TEX11: variants seen among roughly 807,000 people sequenced by gnomAD.
TEX11 encodes testis expressed 11.
Under a neutral mutation model 84.4 loss-of-function variants are expected in TEX11, and 7 were observed. The observed-to-expected ratio is 0.08, with a 90% CI of 0.05 to 0.16. The LOEUF is 0.16. Ranked by LOEUF, TEX11 falls within the 10% of genes least tolerant of loss-of-function variation. TEX11 has a pLI of 1.00. For synonymous variants in TEX11, 264 were observed against 222.8 expected, an observed-to-expected ratio of 1.18 and a Z score of -1.64; for missense variants, 551 against 660.5, an observed-to-expected ratio of 0.83 and a Z score of 1.82.
At chrX:70,897,765 A>G (rs1027536643) in intron 2 of TEX11, among the ~76,000 whole-genome samples, 1 of 111,512 alleles carries the variant, frequency 9.0e-6, no homozygotes, top group African/African-American at 3.3e-5. Flanking sequence ...TTATTCAATC[A>G]TTCAATAAAA....
intron 19 of TEX11, among the ~76,000 whole-genome samples, 184 bp downstream of exon 19, chrX:70,624,655 T>G (rs1019689581): frequency 8.9e-6 from 1 of 111,829 alleles, no homozygotes; most frequent in African/African-American, 3.2e-5. Flanking sequence ...GTTTCTTATT[T>G]CTCACTGTGG....
intron 17 of TEX11, among the ~76,000 whole-genome samples, chrX:70,648,914 G>A (rs1271457021): frequency 1.8e-5 from 2 of 109,050 alleles, no homozygotes; most frequent in Non-Finnish European, 3.8e-5. Context: ...TCCCCTTCCT[G>A]TGTCCATGTG....
chrX:70,818,514 C>T (rs1377313243), intron 8 of TEX11, among the ~76,000 whole-genome samples: 1 of 110,699 alleles, frequency 9.0e-6, no homozygotes, highest in Non-Finnish European at 1.9e-5. Context: ...ATTCCAGAAG[C>T]CTTCCACTGA....
At chrX:70,842,803 T>C (rs2091454691) in intron 7 of TEX11, among the ~76,000 whole-genome samples, 1 of 111,694 alleles carries the variant, frequency 9.0e-6, no homozygotes, top group East Asian at 2.8e-4. Flanking sequence ...ACAAAATCAA[T>C]GTACAAAAAT....
chrX:70,641,709 T>C (rs1177242098), intron 17 of TEX11, among the ~76,000 whole-genome samples: 2 of 110,456 alleles, frequency 1.8e-5, no homozygotes, highest in Non-Finnish European at 3.8e-5. Context: ...AAAGATGTTC[T>C]TTGAAACCAA....
chrX:70,892,856 G>C (rs2091746041), intron 2 of TEX11, among the ~76,000 whole-genome samples: 1 of 109,924 alleles, frequency 9.1e-6, no homozygotes, highest in Admixed American at 9.8e-5. Flanking sequence ...GGGATGGAGG[G>C]TTATTTACCA....
Position 70,578,417 on chromosome X carries a change from A to AT in TEX11, c.2140+13333dup, listed in dbSNP as rs1372557511. ...GAGAATTTGTCTTTTTTGTTGTTCTATTTGTTCATTTTGAACTTAAATTAA... is the reference window on the plus strand; with the variant it reads ...GAGAATTTGTCTTTTTTGTTGTTCTATTTTGTTCATTTTGAACTTAAATTAA... On this transcript the variant is annotated intron_variant, in intron 25 of 29. Coordinates refer to ENST00000374333, the MANE Select transcript of TEX11 (RefSeq NM_031276.3). Among the ~76,000 whole-genome samples the AT allele has an allele frequency of 4.5e-5, 5 of 111,833 alleles. No individual in the cohort carries two copies. The Admixed American group carries it at 4.8e-4, about 11-fold the overall frequency.
chrX:70,519,444 A>G, the TEX11 span, among the ~76,000 whole-genome samples: 3 of 111,673 alleles, frequency 2.7e-5, no homozygotes, highest in Non-Finnish European at 5.6e-5. Flanking sequence ...ATTGGCCCCC[A>G]CTCTCTTCTG....
chrX:70,778,454 A>G (rs2091015190), intron 9 of TEX11, among the ~76,000 whole-genome samples: 1 of 110,911 alleles, frequency 9.0e-6, no homozygotes, highest in African/African-American at 3.3e-5. Flanking sequence ...AAACAAACAA[A>G]CAACAACAAC....
the TEX11 span, among the ~76,000 whole-genome samples, chrX:70,519,799 A>G: frequency 9.0e-6 from 1 of 111,588 alleles, no homozygotes; most frequent in East Asian, 2.8e-4. Flanking sequence ...TATTTCTTGG[A>G]GGATTTGTCT....
At chrX:70,881,713 A>G (rs772048831) in intron 2 of TEX11, among the ~76,000 whole-genome samples, 39 of 111,385 alleles carry the variant, frequency 3.5e-4, no homozygotes, top group Non-Finnish European at 6.6e-4. Context: ...AAATATATAC[A>G]CCTACTATGT....
At chrX:70,748,133 C>CCAG (rs2090781713) in intron 9 of TEX11, among the ~76,000 whole-genome samples, 1 of 109,826 alleles carries the variant, frequency 9.1e-6, no homozygotes, top group Admixed American at 9.8e-5. Context: ...AATGGGAGTA[C>CCAG]CAGAAGAAAA....
At chrX:70,744,257 T>A (rs961438394) in intron 9 of TEX11, 38 bp from the exon 10 acceptor site, 42 of 564,790 alleles carry the variant, frequency 7.4e-5, no homozygotes, top group Admixed American at 1.9e-4. Context: ...TATATATATA[T>A]AAACATATAT....
At chrX:70,541,839 C>A (rs1399728632) in intron 28 of TEX11, among the ~76,000 whole-genome samples, 1 of 112,064 alleles carries the variant, frequency 8.9e-6, no homozygotes. Flanking sequence ...ACAATTATTT[C>A]AAAATAAAAT....
chrX:70,893,123 T>C (rs1382006588), intron 2 of TEX11, among the ~76,000 whole-genome samples: 1 of 111,134 alleles, frequency 9.0e-6, no homozygotes, highest in Non-Finnish European at 1.9e-5. Context: ...CACCCCACTG[T>C]CAATATTAGA....
At chrX:70,584,980 C>T (rs903779905) in intron 25 of TEX11, among the ~76,000 whole-genome samples, 3 of 111,833 alleles carry the variant, frequency 2.7e-5, no homozygotes, top group Non-Finnish European at 5.6e-5. Context: ...CTCTCACTAC[C>T]GCTATTCAAC....
At chrX:70,838,290 C>A in intron 7 of TEX11, among the ~76,000 whole-genome samples, 1 of 110,755 alleles carries the variant, frequency 9.0e-6, no homozygotes, top group Admixed American at 9.7e-5. Flanking sequence ...ATGGTGGCGG[C>A]TGTCTGTAGT....
chrX:70,812,844 T>C (rs895065709), intron 8 of TEX11, among the ~76,000 whole-genome samples: 3 of 111,601 alleles, frequency 2.7e-5, no homozygotes, highest in African/African-American at 9.8e-5. Flanking sequence ...CTAGAAAATC[T>C]AGAAGAAATG....
intron 9 of TEX11, among the ~76,000 whole-genome samples, chrX:70,760,308 C>A (rs953171989): frequency 2.7e-5 from 3 of 111,890 alleles, no homozygotes; most frequent in African/African-American, 9.7e-5. Flanking sequence ...ATTACCAAGA[C>A]AATCCTAAGC....
Sources: gnomAD v4.1 joint callset for allele counts (sites outside exome capture counted in the v4.1 genomes callset) on GRCh38, gnomAD v4.1.1 for gene constraint, MANE v1.5 for transcripts, NCBI Gene and HGNC (gene_info 2026-07-23, HGNC 2026-07-21) for gene names.